The following GALNT7 variants were observed in gnomAD, a reference collection of about 807,000 sequenced individuals.
GALNT7 encodes polypeptide N-acetylgalactosaminyltransferase 7.
Under a neutral mutation model 82.1 loss-of-function variants are expected in GALNT7, and 60 were observed. The observed-to-expected ratio is 0.73, with a 90% CI of 0.59 to 0.91. The LOEUF (loss-of-function observed/expected upper bound fraction) is 0.91, where lower values mean the gene tolerates loss of function less well. GALNT7 is among the 40% of genes least tolerant of loss of function. The pLI is 0.00. For missense variants in GALNT7, 660 were observed against 804.2 expected, an observed-to-expected ratio of 0.82 and a Z score of 2.17; for synonymous variants, 243 against 275.1, an observed-to-expected ratio of 0.88 and a Z score of 1.15.
At chr4:173,280,968 A>T (rs1307516494) in intron 2 of GALNT7, among the ~76,000 whole-genome samples, 6 of 152,298 alleles carry the variant, frequency 3.9e-5, no homozygotes, top group Non-Finnish European at 7.4e-5. Context: ...GAAAGCTTGT[A>T]ATTGAAGGTA....
intron 6 of GALNT7, 169 bp downstream of exon 6, chr4:173,298,466 A>G: frequency 3.7e-6 from 2 of 547,528 alleles, no homozygotes; most frequent in Non-Finnish European, 6.3e-6. Flanking sequence ...CATTTGCTCC[A>G]TTGTAATTGC....
chr4:173,269,948 C>A (rs944640467), intron 2 of GALNT7, among the ~76,000 whole-genome samples: 5 of 152,146 alleles, frequency 3.3e-5, no homozygotes, highest in African/African-American at 1.2e-4. Flanking sequence ...ACTAGAGACA[C>A]CCCACCTCAT....
intron 2 of GALNT7, among the ~76,000 whole-genome samples, chr4:173,270,127 T>C (rs113071232): frequency 0.015 from 2,310 of 152,340 alleles, 69 homozygotes; most frequent in African/African-American, 0.053. Context: ...GCAATTATTA[T>C]TGGCAATATG....
At chr4:173,211,052 A>G (rs1323953364) in intron 1 of GALNT7, among the ~76,000 whole-genome samples, 1 of 151,964 alleles carries the variant, frequency 6.6e-6, no homozygotes, top group Admixed American at 6.6e-5. Context: ...TTTCCATTTG[A>G]TATCTGATGT....
Position 173,247,967 on chromosome 4 carries a change from C to A in GALNT7, c.127-13C>A, listed in dbSNP as rs2126738620. 6.4e-7 allele frequency: 1 copy of A among 1,570,900 alleles called. No homozygotes were observed. The highest frequency in any genetic ancestry group is 2.2e-5 in the East Asian group (1 of 44,608). On this transcript the variant is annotated splice_polypyrimidine_tract_variant and intron_variant, in intron 1 of 11. Transcript: ENST00000265000. ...TTCATGTACTCATTGTATATCCCCT[C>A]CCTTTTGTATAGGAAGACAGAGATG... is the stretch of plus-strand genomic sequence containing the variant.
At chr4:173,222,640 C>A (rs1733681510) in intron 1 of GALNT7, among the ~76,000 whole-genome samples, 1 of 152,216 alleles carries the variant, frequency 6.6e-6, no homozygotes, top group South Asian at 2.1e-4. Context: ...TTCTCCTACA[C>A]ATGATCTCAT....
chr4:173,213,763 A>G (rs1733355174), intron 1 of GALNT7, among the ~76,000 whole-genome samples: 2 of 152,160 alleles, frequency 1.3e-5, no homozygotes, highest in African/African-American at 4.8e-5. Flanking sequence ...CTGTTTAGAT[A>G]AATATTCAAG....
rs370785997 is a variant in GALNT7, at chr4:173,285,876, G to A, written c.588-6232G>A. Among the ~76,000 whole-genome samples the A allele has an allele frequency of 4.6e-5, 7 of 152,292 alleles. No homozygotes were observed. The East Asian group carries it at 7.7e-4, about 17-fold the overall frequency. Reference sequence around the variant, plus strand: ...CCAGGGGTTCCATGAGGAAAACAGGGATTTCTCCAAAATGGGATTTGTGGC... The same window carrying A: ...CCAGGGGTTCCATGAGGAAAACAGGAATTTCTCCAAAATGGGATTTGTGGC... On this transcript the variant is annotated intron_variant, in intron 2 of 11. Coordinates refer to ENST00000265000, the MANE Select transcript of GALNT7 (RefSeq NM_017423.3).
chr4:173,180,206 G>A lies in GALNT7; in HGVS notation c.126+11245G>A, dbSNP rs576915989. 2.0e-5 allele frequency among the ~76,000 whole-genome samples: 3 copies of A among 151,240 alleles called. No homozygotes were observed. In the East Asian group the frequency reaches 5.8e-4, roughly 29 times the overall value. On this transcript the variant is annotated intron_variant, in intron 1 of 11. Coordinates refer to ENST00000265000, the MANE Select transcript of GALNT7 (RefSeq NM_017423.3). ...GACAGGAACAGTCTAATTACGTTAA[G>A]TCAATTAAGTTTTTTTTTTGCTTGA...
intron 2 of GALNT7, among the ~76,000 whole-genome samples, chr4:173,255,783 C>T (rs1735015279): frequency 2.0e-5 from 3 of 152,192 alleles, no homozygotes; most frequent in African/African-American, 7.2e-5. Flanking sequence ...CGAAAGACAG[C>T]CTGTGCCAAT....
At chr4:173,210,275 G>A (rs987695963) in intron 1 of GALNT7, among the ~76,000 whole-genome samples, 1 of 152,174 alleles carries the variant, frequency 6.6e-6, no homozygotes, top group Non-Finnish European at 1.5e-5. Flanking sequence ...ATGCTTCGGA[G>A]TCTCTGTGGG....
At chr4:173,296,037 C>T (rs916134655) in intron 5 of GALNT7, among the ~76,000 whole-genome samples, 194 bp downstream of exon 5, 10 of 152,106 alleles carry the variant, frequency 6.6e-5, no homozygotes, top group Admixed American at 5.2e-4. Context: ...GGCAGTCTGG[C>T]ATTTGGGAGA....
At chr4:173,239,366 A>G (rs886631910) in intron 1 of GALNT7, among the ~76,000 whole-genome samples, 2 of 152,222 alleles carry the variant, frequency 1.3e-5, no homozygotes, top group African/African-American at 4.8e-5. Context: ...TTACTCATCC[A>G]TGAACAAACA....
chr4:173,210,195 C>T (rs1176408186), intron 1 of GALNT7, among the ~76,000 whole-genome samples: 1 of 151,964 alleles, frequency 6.6e-6, no homozygotes, highest in African/African-American at 2.4e-5. Flanking sequence ...AACATTGCAG[C>T]ATCAACATAA....
intron 2 of GALNT7, among the ~76,000 whole-genome samples, chr4:173,266,868 GGTGTGTGTGTGT>G (rs71596614): frequency 0.018 from 1,718 of 95,120 alleles, 31 homozygotes; most frequent in African/African-American, 0.031. Context: ...GGCTGGGAAG[GGTGTGTGTGTGT>G]GTGTGTGTGT....
intron 1 of GALNT7, among the ~76,000 whole-genome samples, chr4:173,212,399 A>G (rs1308065236): frequency 1.3e-5 from 2 of 152,222 alleles, no homozygotes; most frequent in African/African-American, 2.4e-5. Context: ...TAGAATTTTT[A>G]AAAAGCATTT....
At chr4:173,246,881 G>C (rs989813745) in intron 1 of GALNT7, among the ~76,000 whole-genome samples, 1 of 152,208 alleles carries the variant, frequency 6.6e-6, no homozygotes, top group Non-Finnish European at 1.5e-5. Flanking sequence ...GGAAGTGGCA[G>C]ACCCATCAGC....
At chr4:173,275,982 A>T (rs537699916) in intron 2 of GALNT7, among the ~76,000 whole-genome samples, 3 of 152,326 alleles carry the variant, frequency 2.0e-5, no homozygotes, top group Admixed American at 6.5e-5. Context: ...ACTCCAAAGC[A>T]AGGATTGTAG....
chr4:173,229,847 A>C (rs1191999541), intron 1 of GALNT7, among the ~76,000 whole-genome samples: 1 of 151,894 alleles, frequency 6.6e-6, no homozygotes, highest in Admixed American at 6.6e-5. Flanking sequence ...TTGATTTACT[A>C]CTTTTTTTTT....
Sources: gnomAD v4.1 joint callset for allele counts (sites outside exome capture counted in the v4.1 genomes callset) on GRCh38, gnomAD v4.1.1 for gene constraint, MANE v1.5 for transcripts, NCBI Gene and HGNC (gene_info 2026-07-23, HGNC 2026-07-21) for gene names.